The following RBPJ variants were observed in gnomAD, a reference collection of about 807,000 sequenced individuals.
RBPJ encodes the protein recombining binding protein suppressor of hairless.
In RBPJ, 9 loss-of-function variants were observed where a neutral mutation model predicts 67.8. The observed-to-expected ratio is 0.13, with a 90% confidence interval of 0.08 to 0.23. The LOEUF (loss-of-function observed/expected upper bound fraction) is 0.23. RBPJ is among the 10% of genes least tolerant of loss of function. The probability of loss-of-function intolerance (pLI) is 1.00; values close to 1 mark genes in which losing one functional copy is unlikely to be tolerated. For missense variants in RBPJ, 305 were observed against 595.6 expected, an observed-to-expected ratio of 0.51 and a Z score of 5.08; for synonymous variants, 198 against 203.3, an observed-to-expected ratio of 0.97 and a Z score of 0.22.
intron 1 of RBPJ, among the ~76,000 whole-genome samples, chr4:26,343,727 T>G (rs186109740): frequency 2.0e-5 from 3 of 148,330 alleles, no homozygotes; most frequent in Non-Finnish European, 4.5e-5. Context: ...TTTTTGTACT[T>G]CTTTCTTTCT....
At chr4:26,376,980 T>G (rs1370751836) in intron 1 of RBPJ, among the ~76,000 whole-genome samples, 2 of 152,202 alleles carry the variant, frequency 1.3e-5, no homozygotes, top group African/African-American at 4.8e-5. Flanking sequence ...TGAACTAAGT[T>G]TCTTTGTTGT....
chr4:26,294,986 G>A (rs6855299), intron 1 of RBPJ, among the ~76,000 whole-genome samples: 11,462 of 152,174 alleles, frequency 0.075, 1,341 homozygotes, highest in African/African-American at 0.25. Flanking sequence ...GGGATAAACC[G>A]TGAACCCCTG....
chr4:26,134,821 G>A, the RBPJ span, among the ~76,000 whole-genome samples: 6 of 152,200 alleles, frequency 3.9e-5, no homozygotes, highest in Non-Finnish European at 7.3e-5. Flanking sequence ...GGAAATGGCT[G>A]CAGGTGCATG....
intron 1 of RBPJ, among the ~76,000 whole-genome samples, chr4:26,255,520 C>T (rs1181834038): frequency 2.0e-5 from 3 of 148,066 alleles, no homozygotes; most frequent in Non-Finnish European, 4.5e-5. Context: ...CACCTAAATT[C>T]GGCCGGGCGT....
chr4:26,211,317 C>T (rs1718415125), intron 1 of RBPJ, among the ~76,000 whole-genome samples: 1 of 152,132 alleles, frequency 6.6e-6, no homozygotes, highest in Non-Finnish European at 1.5e-5. Flanking sequence ...GCCCACACAG[C>T]CCCAAAGACA....
intron 1 of RBPJ, among the ~76,000 whole-genome samples, chr4:26,177,207 G>A (rs551310917): frequency 6.6e-6 from 1 of 152,320 alleles, no homozygotes; most frequent in African/African-American, 2.4e-5. Flanking sequence ...TTAAATTCAA[G>A]CCTTTCGCTC....
intron 2 of RBPJ, among the ~76,000 whole-genome samples, chr4:26,398,904 G>T (rs1045660972): frequency 6.6e-6 from 1 of 152,124 alleles, no homozygotes; most frequent in Non-Finnish European, 1.5e-5. Context: ...GAGCCACCTC[G>T]TCCAGCCCGT....
At chr4:26,228,788 T>C (rs1434183838) in intron 1 of RBPJ, among the ~76,000 whole-genome samples, 2 of 152,240 alleles carry the variant, frequency 1.3e-5, no homozygotes, top group African/African-American at 2.4e-5. Flanking sequence ...ATAAATCGTT[T>C]GACTGGATGG....
At chr4:26,177,052 CTG>C (rs1214915784) in intron 1 of RBPJ, among the ~76,000 whole-genome samples, 1 of 152,200 alleles carries the variant, frequency 6.6e-6, no homozygotes, top group Non-Finnish European at 1.5e-5. Context: ...ACTTGTGACA[CTG>C]TGAGTTTACA....
chr4:26,424,794 T>A lies in RBPJ; in HGVS notation c.747+51T>A, dbSNP rs768363290. The A allele has an allele frequency of 9.3e-7, 1 of 1,073,060 alleles. No individual in the cohort carries two copies. The highest frequency in any genetic ancestry group is 2.4e-5 in the East Asian group (1 of 42,134). The allele number at this position is 1,073,060 out of a possible 1,614,324, so 66.5% of individuals were successfully genotyped here. A position where few individuals can be genotyped will look rare whatever the true frequency, so the allele number is the denominator to read the frequency against. ...ATAATGTGAAGTAAAAATTAATTTC[T>A]TAAACAGGAAAATCACAACATTCAA... is the stretch of plus-strand genomic sequence containing the variant. On this transcript the variant is annotated intron_variant, in intron 7 of 10. Transcript: ENST00000355476. This position sits in a 1 kb window ranked among gnomAD's most constrained non-coding sequence, Gnocchi z 5.3.
At chr4:26,245,203 A>ATTTTTT (rs869234645) in intron 1 of RBPJ, among the ~76,000 whole-genome samples, 396 of 98,230 alleles carry the variant, frequency 4.0e-3, no homozygotes, top group East Asian at 5.0e-3. Flanking sequence ...TCACTATTGT[A>ATTTTTT]TTTTTTTTTT....
chr4:26,174,827 A>G, intron 1 of RBPJ, among the ~76,000 whole-genome samples: 1 of 152,166 alleles, frequency 6.6e-6, no homozygotes, highest in East Asian at 1.9e-4. Context: ...TGAGGGAGAA[A>G]TGTATATATA....
chr4:26,220,426 A>G (rs1018568568), intron 1 of RBPJ, among the ~76,000 whole-genome samples: 1 of 152,164 alleles, frequency 6.6e-6, no homozygotes, highest in Non-Finnish European at 1.5e-5. Context: ...TAATTTACCA[A>G]ATACCTACTG....
chr4:26,208,625 C>A (rs1225009990), intron 1 of RBPJ, among the ~76,000 whole-genome samples: 1 of 152,200 alleles, frequency 6.6e-6, no homozygotes, highest in East Asian at 1.9e-4. Context: ...ATGATGAACC[C>A]AGTTTATCCA....
chr4:26,119,512 A>G, the RBPJ span, among the ~76,000 whole-genome samples: 1 of 152,020 alleles, frequency 6.6e-6, no homozygotes, highest in Non-Finnish European at 1.5e-5. Context: ...TGTGTCACCA[A>G]TTCCCCCAAA....
upstream of RBPJ, among the ~76,000 whole-genome samples, chr4:26,160,843 A>C (rs969630002): frequency 6.6e-6 from 1 of 152,208 alleles, no homozygotes; most frequent in Non-Finnish European, 1.5e-5. Context: ...ACAAAGGGAT[A>C]TTATCAGACA....
intron 2 of RBPJ, among the ~76,000 whole-genome samples, chr4:26,398,519 A>T (rs552417853): frequency 6.6e-6 from 1 of 152,242 alleles, no homozygotes; most frequent in Non-Finnish European, 1.5e-5. Flanking sequence ...TTTGAGAAAC[A>T]CTAAGCTATG....
At chr4:26,215,194 G>GA (rs1718646813) in intron 1 of RBPJ, among the ~76,000 whole-genome samples, 3 of 57,352 alleles carry the variant, frequency 5.2e-5, no homozygotes, top group African/African-American at 2.4e-4. Context: ...AGGAAGGAAG[G>GA]AAAAAGAGAG....
chr4:26,415,727 T>G, intron 4 of RBPJ, 87 bp downstream of exon 4: 1 of 1,286,810 alleles, frequency 7.8e-7, no homozygotes, highest in Non-Finnish European at 1.1e-6. Flanking sequence ...GGAGATTTTT[T>G]TCTTTAATAA....
Sources: allele counts gnomAD v4.1 joint callset (sites outside exome capture counted in the v4.1 genomes callset), GRCh38; gene constraint gnomAD v4.1.1; non-coding constraint Gnocchi (gnomAD v3.1); transcripts MANE v1.5; gene names NCBI Gene and HGNC (gene_info 2026-07-23, HGNC 2026-07-21).